The following CRX variants were observed in gnomAD, a reference collection of about 807,000 sequenced individuals.
The protein encoded by CRX is cone-rod homeobox protein.
Under a neutral mutation model 13.1 loss-of-function variants are expected in CRX, and 5 were observed. That is an observed-to-expected ratio of 0.38 (90% confidence interval 0.20 to 0.80). CRX has a LOEUF of 0.80. Among genes scored for constraint, CRX ranks in the 30% least tolerant of loss-of-function variants. The pLI is 0.43. For missense variants in CRX, 351 were observed against 391.8 expected, an observed-to-expected ratio of 0.90 and a Z score of 0.88; for synonymous variants, 179 against 171.1, an observed-to-expected ratio of 1.05 and a Z score of -0.36.
chr19:47,827,607 C>T (rs1445592097), intron 1 of CRX, among the ~76,000 whole-genome samples: 1 of 140,192 alleles, frequency 7.1e-6, no homozygotes, highest in Non-Finnish European at 1.5e-5. Flanking sequence ...AGTGCCATCT[C>T]AGCTCACTGC....
chr19:47,831,306 C>CAAAAAA (rs5828320), intron 1 of CRX, among the ~76,000 whole-genome samples: 27 of 78,424 alleles, frequency 3.4e-4, no homozygotes, highest in African/African-American at 5.2e-4. Context: ...GACTCTGTCT[C>CAAAAAA]AAAAAAAAAA....
At chr19:47,828,057 G>A (rs1312007336) in intron 1 of CRX, among the ~76,000 whole-genome samples, 2 of 151,570 alleles carry the variant, frequency 1.3e-5, no homozygotes, top group African/African-American at 4.8e-5. Context: ...GGGAGGCTGA[G>A]GCAGGAGAAT....
intron 1 of CRX, among the ~76,000 whole-genome samples, chr19:47,822,354 C>T (rs73567741): frequency 0.011 from 1,738 of 152,252 alleles, 32 homozygotes; most frequent in African/African-American, 0.04. Context: ...CTCAGCATAC[C>T]GCTCTGTTGG....
chr19:47,823,930 G>A (rs565930720), intron 1 of CRX, among the ~76,000 whole-genome samples: 26 of 152,290 alleles, frequency 1.7e-4, no homozygotes, highest in Admixed American at 3.9e-4. Context: ...GATTACAGGC[G>A]TGAGCCACCA....
At chr19:47,838,034 ATATG>A (rs975765876) in intron 3 of CRX, among the ~76,000 whole-genome samples, 2 of 152,060 alleles carry the variant, frequency 1.3e-5, no homozygotes, top group Non-Finnish European at 2.9e-5. Context: ...GATAAATGAA[ATATG>A]TATGTTTGTG....
At chr19:47,836,821 T>G (rs539464028) in intron 3 of CRX, among the ~76,000 whole-genome samples, 9 of 152,330 alleles carry the variant, frequency 5.9e-5, no homozygotes, top group Non-Finnish European at 1.2e-4. Context: ...CCAACTAGAA[T>G]GTCAATTCCA....
Position 47,839,480 on chromosome 19 carries a change from T to C in CRX, c.413T>C (p.Ile138Thr), listed in dbSNP as rs769891038. ...STDVCPDPLG[I>T]SDSYSPPLPG... ...GATGTGTGTCCAGACCCTCTGGGCA[T>C]CTCAGATTCCTACAGTCCCCCTCTG... Residue 138 changes from isoleucine to threonine, a missense_variant, in exon 4 of 4, where the codon ATC becomes ACC. Transcript: ENST00000221996. The surrounding 1 kb of genome is among the most constrained non-coding windows in gnomAD (Gnocchi z 4.6). 12 of 1,613,908 alleles carry C rather than the reference T, an allele frequency of 7.4e-6. No homozygotes were observed. Among genetic ancestry groups the C allele is most frequent in the Non-Finnish European group, 1.0e-5 (12 of 1,179,926 alleles).
chr19:47,826,965 C>A (rs939828793), intron 1 of CRX, among the ~76,000 whole-genome samples: 4 of 152,186 alleles, frequency 2.6e-5, no homozygotes, highest in Admixed American at 6.5e-5. Flanking sequence ...GGCCTCATTT[C>A]TTTGCCACAT....
Position 47,825,620 on chromosome 19 carries a change from G to A in CRX, c.-36+3610G>A, listed in dbSNP as rs192606698. Among the ~76,000 whole-genome samples the A allele has an allele frequency of 9.9e-5, 15 of 152,206 alleles. 1 individual carries two copies. Among genetic ancestry groups the A allele is most frequent in the Middle Eastern group, 3.4e-3 (1 of 294 alleles). The stretch of plus-strand genomic sequence containing the variant: ...CTGCTGAGCCTCCTCTCCCCTATCC[G>A]TTAAAAGGGATGATCCTGGCCAGGC... On this transcript the variant is annotated intron_variant, in intron 1 of 3. Coordinates refer to ENST00000221996, the MANE Select transcript of CRX (RefSeq NM_000554.6).
At chr19:47,823,376 G>A (rs1371187054) in intron 1 of CRX, among the ~76,000 whole-genome samples, 1 of 152,196 alleles carries the variant, frequency 6.6e-6, no homozygotes, top group Non-Finnish European at 1.5e-5. Context: ...CGACTTCAGG[G>A]CTGCCCACTG....
At chr19:47,838,125 T>TA (rs1221606613) in intron 3 of CRX, among the ~76,000 whole-genome samples, 3 of 152,174 alleles carry the variant, frequency 2.0e-5, no homozygotes, top group African/African-American at 7.2e-5. Context: ...TATGTGCCTA[T>TA]AATTGTATGT....
In CRX at chr19:47,840,071, C is replaced by T; in HGVS notation, c.*104C>T. The T allele has an allele frequency of 7.3e-7, 1 of 1,370,932 alleles. No individual in the cohort carries two copies. Among genetic ancestry groups the T allele is most frequent in the Non-Finnish European group, 1.0e-6 (1 of 985,516 alleles). 84.9% of individuals were successfully genotyped at this position (1,370,932 alleles called of 1,614,324 possible). On this transcript the variant is annotated 3_prime_UTR_variant, in exon 4 of 4. Transcript: ENST00000221996. ...CGGGATGGCATTCCTGAGAAAGCAA[C>T]CCGAACCAGCTGTCCTTCTGACAGC...
chr19:47,823,295 A>C (rs1321994458), intron 1 of CRX, among the ~76,000 whole-genome samples: 1 of 152,202 alleles, frequency 6.6e-6, no homozygotes, highest in Non-Finnish European at 1.5e-5. Context: ...ACAGACTGCC[A>C]CAGAGAGGAG....
chr19:47,833,843 T>C lies in CRX; in HGVS notation c.-35-566T>C, dbSNP rs1412788007. Among the ~76,000 whole-genome samples, 8 of 151,744 alleles carry C rather than the reference T, an allele frequency of 5.3e-5. No homozygotes were observed. In the East Asian group the frequency reaches 1.5e-3, roughly 29 times the overall value. On this transcript the variant is annotated intron_variant, in intron 1 of 3. Transcript: ENST00000221996. ...GATTTGTTTTGTTTTTTTCTTAGAG[T>C]CTTGCTGTGTCACCCAGGCTGGAGT... is the stretch of plus-strand genomic sequence containing the variant.
chr19:47,829,814 T>TTG (rs386389150), intron 1 of CRX, among the ~76,000 whole-genome samples: 33 of 151,106 alleles, frequency 2.2e-4, no homozygotes, highest in African/African-American at 7.5e-4. Context: ...ATTTTTTTTT[T>TTG]TGTGGAGACA....
intron 2 of CRX, among the ~76,000 whole-genome samples, chr19:47,834,989 C>CT (rs937986167): frequency 1.2e-4 from 17 of 142,616 alleles, no homozygotes; most frequent in East Asian, 4.1e-4. Flanking sequence ...CCGGGGGGCA[C>CT]TTTTTTTTTT....
In CRX at chr19:47,839,915, T is replaced by G. The variant is rs1376261810; in HGVS notation, c.848T>G (p.Met283Arg). ...ACCTGGAAATTCACCTACAATCCCATGGACCCTCTGGACTACAAGGATCAG... is the reference window on the plus strand; with the variant it reads ...ACCTGGAAATTCACCTACAATCCCAGGGACCCTCTGGACTACAAGGATCAG... ...TGTWKFTYNP[M>R]DPLDYKDQSA... Residue 283 changes from methionine to arginine, a missense_variant, in exon 4 of 4, where the codon ATG becomes AGG. Transcript: ENST00000221996. The surrounding 1 kb of genome is among the most constrained non-coding windows in gnomAD (Gnocchi z 4.6). 6.2e-6 allele frequency: 10 copies of G among 1,614,010 alleles called. No individual in the cohort carries two copies. The highest frequency in any genetic ancestry group is 8.5e-6 in the Non-Finnish European group (10 of 1,179,992).
intron 1 of CRX, among the ~76,000 whole-genome samples, chr19:47,825,837 G>A (rs991274423): frequency 1.3e-5 from 2 of 151,964 alleles, no homozygotes; most frequent in Non-Finnish European, 2.9e-5. Flanking sequence ...CAGAAGAATC[G>A]CTTGAATCCG....
At chr19:47,837,487 A>G (rs566557555) in intron 3 of CRX, among the ~76,000 whole-genome samples, 1 of 152,302 alleles carries the variant, frequency 6.6e-6, no homozygotes, top group South Asian at 2.1e-4. Flanking sequence ...ATTTATGTAT[A>G]TATGAGTGTA....
Sources: gnomAD v4.1 joint callset for allele counts (sites outside exome capture counted in the v4.1 genomes callset) on GRCh38, gnomAD v4.1.1 for gene constraint, Gnocchi (gnomAD v3.1) non-coding constraint, MANE v1.5 for transcripts, NCBI Gene and HGNC (gene_info 2026-07-23, HGNC 2026-07-21) for gene names.